Variants in PDE4B observed in about 807,000 individuals in gnomAD.
The protein encoded by PDE4B is phosphodiesterase 4B.
Under a neutral mutation model 82.2 loss-of-function variants are expected in PDE4B, and 20 were observed. The observed-to-expected ratio is 0.24, with a 90% CI of 0.17 to 0.35. PDE4B has a LOEUF of 0.35. PDE4B is among the 10% of genes least tolerant of loss of function. PDE4B has a pLI of 1.00. For missense variants in PDE4B, 655 were observed against 907.2 expected (o/e 0.72, Z 3.57); for synonymous variants, 320 against 318.9 (o/e 1.00, Z -0.04).
At chr1:66,038,677 A>G (rs1432258110) in intron 3 of PDE4B, among the ~76,000 whole-genome samples, 1 of 152,098 alleles carries the variant, frequency 6.6e-6, no homozygotes, top group Non-Finnish European at 1.5e-5. Context: ...GATACTTGTG[A>G]TTGTTTTGTA....
At chr1:66,200,967 A>G (rs1420225087) in intron 3 of PDE4B, among the ~76,000 whole-genome samples, 4 of 152,248 alleles carry the variant, frequency 2.6e-5, no homozygotes, top group Middle Eastern at 3.4e-3. Flanking sequence ...ATTCAGTATG[A>G]TATTGGCTGT....
intron 1 of PDE4B, among the ~76,000 whole-genome samples, chr1:65,865,913 C>T (rs1480286102): frequency 6.6e-6 from 1 of 152,168 alleles, no homozygotes; most frequent in African/African-American, 2.4e-5. Context: ...CCAACTCCAC[C>T]ACCCCCACTC....
At chr1:66,084,552 G>C (rs939969195) in intron 3 of PDE4B, among the ~76,000 whole-genome samples, 1 of 152,090 alleles carries the variant, frequency 6.6e-6, no homozygotes, top group Non-Finnish European at 1.5e-5. Context: ...AATTCCTCAG[G>C]TGGGGACCAG....
intron 3 of PDE4B, among the ~76,000 whole-genome samples, chr1:66,038,263 G>A (rs868534518): frequency 2.6e-5 from 4 of 152,106 alleles, no homozygotes; most frequent in Admixed American, 1.3e-4. Context: ...AATAAAAACA[G>A]ACAACATGAA....
intron 1 of PDE4B, among the ~76,000 whole-genome samples, chr1:65,840,796 A>C (rs1646198295): frequency 1.3e-5 from 2 of 152,184 alleles, no homozygotes; most frequent in South Asian, 4.1e-4. Context: ...GGTACCTAGC[A>C]TAGAGCTGAA....
intron 1 of PDE4B, among the ~76,000 whole-genome samples, chr1:65,821,322 C>A (rs1453349288): frequency 6.6e-6 from 1 of 152,194 alleles, no homozygotes; most frequent in African/African-American, 2.4e-5. Context: ...ACAAGGGTGC[C>A]CCTTGGTAGA....
intron 3 of PDE4B, among the ~76,000 whole-genome samples, chr1:66,124,879 G>A (rs1294807075): frequency 1.3e-5 from 2 of 151,364 alleles, no homozygotes; most frequent in Non-Finnish European, 2.9e-5. Context: ...ATTGGCTTCT[G>A]TAAGTGGTCC....
At chr1:66,276,707 G>A (rs1265934008) in intron 7 of PDE4B, among the ~76,000 whole-genome samples, 1 of 152,188 alleles carries the variant, frequency 6.6e-6, no homozygotes, top group African/African-American at 2.4e-5. Flanking sequence ...TAGCCACTGA[G>A]GATGCTGTGA....
At chr1:66,125,179 TTTGAGA>T (rs1196417479) in intron 3 of PDE4B, among the ~76,000 whole-genome samples, 1 of 151,490 alleles carries the variant, frequency 6.6e-6, no homozygotes, top group Non-Finnish European at 1.5e-5. Flanking sequence ...TTTTTTTTTT[TTTGAGA>T]TGGAGTCTCA....
At chr1:66,228,449 C>A (rs1651643805) in intron 3 of PDE4B, among the ~76,000 whole-genome samples, 1 of 151,934 alleles carries the variant, frequency 6.6e-6, no homozygotes, top group African/African-American at 2.4e-5. Flanking sequence ...ACAGTGAAAC[C>A]CCATCTCTAC....
intron 3 of PDE4B, among the ~76,000 whole-genome samples, chr1:66,229,460 A>C (rs1363734961): frequency 2.0e-5 from 3 of 152,188 alleles, no homozygotes; most frequent in Admixed American, 2.0e-4. Context: ...TTGAGTTACC[A>C]ATCTTCCATG....
At chr1:65,968,412 G>A (rs192248492) in intron 3 of PDE4B, among the ~76,000 whole-genome samples, 240 of 152,224 alleles carry the variant, frequency 1.6e-3, no homozygotes, top group Non-Finnish European at 2.6e-3. Context: ...GAACAGGCCT[G>A]TAAACAAGGC....
chr1:66,307,440 G>A (rs771371626), intron 7 of PDE4B, among the ~76,000 whole-genome samples: 16 of 152,238 alleles, frequency 1.1e-4, no homozygotes, highest in South Asian at 4.1e-4. Context: ...GGTTAAAAGC[G>A]GAGATAGAGA....
At chr1:66,055,229 G>A (rs1655233585) in intron 3 of PDE4B, among the ~76,000 whole-genome samples, 1 of 152,166 alleles carries the variant, frequency 6.6e-6, no homozygotes, top group Admixed American at 6.5e-5. Flanking sequence ...AAATTGTGGA[G>A]GCACATGGTG....
In PDE4B at chr1:66,317,568, GT is replaced by G. The variant is rs146461628; in HGVS notation, c.635-14929del. ...CTGAAGGGTGCCTCAAAGAAAAACT[GT>G]TTTTTTTTTTAAATTTCTTTTCTTT... is the stretch of plus-strand genomic sequence containing the variant. On this transcript the variant is annotated intron_variant, in intron 7 of 16. Transcript: ENST00000341517. 8.7e-3 allele frequency among the ~76,000 whole-genome samples: 1,284 copies of G among 147,144 alleles called. 21 individuals are homozygous for G. Among genetic ancestry groups the G allele is most frequent in the African/African-American group, 0.031 (1,229 of 40,258 alleles).
chr1:66,100,172 G>A (rs937825278), intron 3 of PDE4B, among the ~76,000 whole-genome samples: 3 of 151,970 alleles, frequency 2.0e-5, no homozygotes, highest in Non-Finnish European at 4.4e-5. Context: ...TCCTTCCTCA[G>A]CCTCCCAAGT....
At chr1:66,089,440 A>T (rs1644966482) in intron 3 of PDE4B, among the ~76,000 whole-genome samples, 1 of 152,112 alleles carries the variant, frequency 6.6e-6, no homozygotes, top group Admixed American at 6.6e-5. Context: ...AATAAAAATA[A>T]TGAAAGCAAG....
Position 65,839,621 on chromosome 1 carries a change from A to G in PDE4B, c.-71+46373A>G, listed in dbSNP as rs113382116. Among the ~76,000 whole-genome samples, 1,171 of 152,258 alleles carry G rather than the reference A, an allele frequency of 7.7e-3. 21 individuals are homozygous for G. Among genetic ancestry groups the G allele is most frequent in the African/African-American group, 0.026 (1,100 of 41,546 alleles). On this transcript the variant is annotated intron_variant, in intron 1 of 16. Coordinates refer to ENST00000341517, the MANE Select transcript of PDE4B (RefSeq NM_002600.4). ...AACTCATCCTTTTTTATGGCTGCATAGTATTATATGATGTGTCTATGTGCC... is the reference window on the plus strand; with the variant it reads ...AACTCATCCTTTTTTATGGCTGCATGGTATTATATGATGTGTCTATGTGCC...
intron 3 of PDE4B, among the ~76,000 whole-genome samples, chr1:65,927,960 C>T (rs956934142): frequency 5.9e-5 from 9 of 152,146 alleles, no homozygotes; most frequent in African/African-American, 2.2e-4. Flanking sequence ...CATTAATTAC[C>T]TGACCTCCAT....
Sources: allele counts gnomAD v4.1 joint callset (sites outside exome capture counted in the v4.1 genomes callset), GRCh38; gene constraint gnomAD v4.1.1; transcripts MANE v1.5; gene names NCBI Gene and HGNC (gene_info 2026-07-23, HGNC 2026-07-21).